Variants in ASB5 observed in about 807,000 individuals in gnomAD.
ASB5 encodes ankyrin repeat and SOCS box protein 5.
A neutral mutation model predicts 42.1 loss-of-function variants in ASB5; 45 were observed. That is an observed-to-expected ratio of 1.07 (90% CI 0.84 to 1.37). The LOEUF (loss-of-function observed/expected upper bound fraction) is 1.37, where lower values mean the gene tolerates loss of function less well. Ranked by LOEUF, ASB5 falls within the 40% of genes most tolerant of loss-of-function variation. The probability of loss-of-function intolerance (pLI) is 0.00; values close to 1 mark genes in which losing one functional copy is unlikely to be tolerated. For synonymous variants in ASB5, 147 were observed against 150.6 expected (o/e 0.98, Z 0.18); for missense variants, 402 against 399.8 (o/e 1.01, Z -0.05).
intron 1 of ASB5, among the ~76,000 whole-genome samples, chr4:176,263,552 A>C (rs1291323587): frequency 6.6e-6 from 1 of 152,224 alleles, no homozygotes; most frequent in East Asian, 1.9e-4. Flanking sequence ...TTGTCATACA[A>C]GAGCAGTTCT....
intron 1 of ASB5, among the ~76,000 whole-genome samples, chr4:176,249,230 G>A (rs973654269): frequency 2.0e-5 from 3 of 152,220 alleles, no homozygotes; most frequent in African/African-American, 7.2e-5. Context: ...GCCTCCCAAA[G>A]TGTTGGGATT....
intron 1 of ASB5, among the ~76,000 whole-genome samples, chr4:176,259,020 T>C (rs1754207839): frequency 6.6e-6 from 1 of 152,106 alleles, no homozygotes; most frequent in African/African-American, 2.4e-5. Context: ...ATTTGAGTAA[T>C]GGTAAGTAGC....
chr4:176,241,612 T>G, intron 1 of ASB5: 1 of 1,404,430 alleles, frequency 7.1e-7, no homozygotes, highest in Non-Finnish European at 9.2e-7. Flanking sequence ...CTTGCTCCAT[T>G]TTATTTTTTA....
At position 176,237,777 on chromosome 4, in the gene ASB5, A is replaced by G. The variant is rs143559487; in HGVS notation, c.197-12436T>C. ...GAATAGAAATGAGCTCTATCGTTAA[A>G]AGATAAAAGCCTATTTAAAGAACCT... On this transcript the variant is annotated intron_variant, in intron 1 of 6. Transcript: ENST00000296525. Among the ~76,000 whole-genome samples the G allele has an allele frequency of 6.1e-3, 929 of 152,362 alleles. 7 individuals carry two copies. Among genetic ancestry groups the G allele is most frequent in the African/African-American group, 0.02 (823 of 41,590 alleles).
At chr4:176,230,556 G>T (rs2126954244) in intron 1 of ASB5, among the ~76,000 whole-genome samples, 1 of 152,194 alleles carries the variant, frequency 6.6e-6, no homozygotes, top group South Asian at 2.1e-4. Flanking sequence ...TCCCTTAGAA[G>T]AATTTATGTA....
chr4:176,231,631 T>G (rs1753546112), intron 1 of ASB5, among the ~76,000 whole-genome samples: 2 of 133,586 alleles, frequency 1.5e-5, no homozygotes, highest in Non-Finnish European at 1.5e-5. Context: ...GAGATCAGCC[T>G]GGGCAACATA....
chr4:176,239,339 T>G lies in ASB5; in HGVS notation c.197-13998A>C, dbSNP rs142330829. On this transcript the variant is annotated intron_variant, in intron 1 of 6. Coordinates refer to ENST00000296525, the MANE Select transcript of ASB5 (RefSeq NM_080874.4). ...TCAATTTGAAGCTTATACTTATTAT[T>G]CTGTAACAACAAAAGCTTTATGCTT... Among the ~76,000 whole-genome samples, 311 of 152,332 alleles carry G rather than the reference T, an allele frequency of 2.0e-3. 4 individuals are homozygous for G. The highest frequency in any genetic ancestry group is 7.0e-3 in the African/African-American group (289 of 41,574).
At chr4:176,276,381 C>A (rs1283440807) in intron 1 of ASB5, among the ~76,000 whole-genome samples, 1 of 152,160 alleles carries the variant, frequency 6.6e-6, no homozygotes, top group Non-Finnish European at 1.5e-5. Flanking sequence ...CTACTGTAGA[C>A]ATGTAACTAT....
intron 1 of ASB5, among the ~76,000 whole-genome samples, chr4:176,258,213 A>G (rs573881289): frequency 6.6e-6 from 1 of 152,332 alleles, no homozygotes; most frequent in Non-Finnish European, 1.5e-5. Flanking sequence ...TATATTTCAT[A>G]TAAGATTTCT....
At chr4:176,249,941 T>G (rs1490818708) in intron 1 of ASB5, among the ~76,000 whole-genome samples, 2 of 151,534 alleles carry the variant, frequency 1.3e-5, no homozygotes, top group East Asian at 3.9e-4. Context: ...GACGGGCGCC[T>G]GTAGTCCCAG....
chr4:176,247,923 A>C (rs893272884), intron 1 of ASB5, among the ~76,000 whole-genome samples: 1 of 152,188 alleles, frequency 6.6e-6, no homozygotes, highest in Non-Finnish European at 1.5e-5. Flanking sequence ...CAATTTTAGG[A>C]TACAAAATAA....
intron 1 of ASB5, among the ~76,000 whole-genome samples, chr4:176,233,916 C>T (rs1753616835): frequency 1.3e-5 from 2 of 152,174 alleles, no homozygotes; most frequent in African/African-American, 4.8e-5. Flanking sequence ...ATGGCAACTG[C>T]ACTCATCCAG....
chr4:176,241,239 C>T (rs993593988), intron 1 of ASB5, among the ~76,000 whole-genome samples: 6 of 152,104 alleles, frequency 3.9e-5, no homozygotes, highest in Admixed American at 3.3e-4. Flanking sequence ...TCACAAACTG[C>T]CTTCAATAAT....
intron 2 of ASB5, among the ~76,000 whole-genome samples, chr4:176,223,056 G>A (rs959387645): frequency 6.6e-6 from 1 of 152,148 alleles, no homozygotes; most frequent in Admixed American, 6.5e-5. Context: ...GGAATTACAG[G>A]TGTGAGCCAC....
At chr4:176,267,833 TA>T (rs1406924247) in intron 1 of ASB5, among the ~76,000 whole-genome samples, 2 of 152,134 alleles carry the variant, frequency 1.3e-5, no homozygotes, top group East Asian at 3.8e-4. Context: ...CCTCACACAC[TA>T]AAAAAGATTT....
At chr4:176,262,877 C>T (rs1290982730) in intron 1 of ASB5, among the ~76,000 whole-genome samples, 1 of 152,170 alleles carries the variant, frequency 6.6e-6, no homozygotes, top group Non-Finnish European at 1.5e-5. Flanking sequence ...CCTAAACTAT[C>T]ACCACCTATG....
intron 1 of ASB5, among the ~76,000 whole-genome samples, chr4:176,257,039 G>A (rs1754170373): frequency 6.6e-6 from 1 of 152,194 alleles, no homozygotes; most frequent in African/African-American, 2.4e-5. Context: ...TGTGAATGTT[G>A]ACATTAGATT....
In ASB5 at chr4:176,221,159, A is replaced by C. The variant is rs1240713272; in HGVS notation, c.666T>G (p.Tyr222Ter). The C allele has an allele frequency of 6.2e-7, 1 of 1,612,748 alleles. No individual in the cohort carries two copies. The highest frequency in any genetic ancestry group is 1.7e-5 in the Admixed American group (1 of 59,734). The change falls in exon 5 of 7, where the codon TAT becomes TAG. Residue 222 changes from tyrosine (Y) to a stop codon, truncating the protein, a stop_gained. Transcript: ENST00000296525. LOFTEE classifies it high-confidence loss of function. ...AGATGTTTTAAAGGAAAATACCAGCATAAAGAAGCTTCCAGATGCAATGGA... is the reference window on the plus strand; with the variant it reads ...AGATGTTTTAAAGGAAAATACCAGCCTAAAGAAGCTTCCAGATGCAATGGA... ...QQFHCIWKLLYAGADVQKGKY... is the reference protein window; with the variant it reads ...QQFHCIWKLL
At chr4:176,250,006 AG>A (rs1219135090) in intron 1 of ASB5, among the ~76,000 whole-genome samples, 1 of 149,956 alleles carries the variant, frequency 6.7e-6, no homozygotes, top group Non-Finnish European at 1.5e-5. Context: ...CGGAGCTTGC[AG>A]TGAGCCGAGA....
Sources: allele counts gnomAD v4.1 joint callset (sites outside exome capture counted in the v4.1 genomes callset), GRCh38; gene constraint gnomAD v4.1.1; transcripts MANE v1.5; gene names NCBI Gene and HGNC (gene_info 2026-07-23, HGNC 2026-07-21).